RMDN2: variants seen among roughly 807,000 people sequenced by gnomAD.
RMDN2 encodes regulator of microtubule dynamics protein 2.
In RMDN2, 61 loss-of-function variants were observed where a neutral mutation model predicts 52.8. That is an observed-to-expected ratio of 1.16 (90% CI 0.94 to 1.43). The LOEUF (loss-of-function observed/expected upper bound fraction) is 1.43, where lower values mean the gene tolerates loss of function less well. Among genes scored for constraint, RMDN2 ranks in the 40% most tolerant of loss-of-function variants. The pLI is 0.00. For missense variants in RMDN2, 592 were observed against 475.3 expected (o/e 1.25, Z -2.28); for synonymous variants, 180 against 153.1 (o/e 1.18, Z -1.30).
intron 2 of RMDN2, among the ~76,000 whole-genome samples, chr2:37,941,242 T>C (rs922779511): frequency 6.7e-6 from 1 of 149,354 alleles, no homozygotes; most frequent in African/African-American, 2.5e-5. Flanking sequence ...ACAGCAAAGA[T>C]TGCTGGCTGC....
chr2:37,984,130 A>T (rs929374099), intron 5 of RMDN2, among the ~76,000 whole-genome samples: 1 of 152,234 alleles, frequency 6.6e-6, no homozygotes, highest in African/African-American at 2.4e-5. Context: ...ATGATTGAAA[A>T]ATACAGATCA....
At chr2:38,027,336 T>A (rs990435513) in intron 10 of RMDN2, 1 of 152,212 alleles carries the variant, frequency 6.6e-6, no homozygotes, top group African/African-American at 2.4e-5. Flanking sequence ...TGCTGTCCAA[T>A]GTCTTGAAAA....
chr2:37,937,740 G>A lies in RMDN2; in HGVS notation c.452+8011G>A, dbSNP rs187391934. Among the ~76,000 whole-genome samples, 40 of 152,292 alleles carry A rather than the reference G, an allele frequency of 2.6e-4. No homozygotes were observed. In the East Asian group the frequency reaches 3.7e-3, roughly 14 times the overall value. Reference sequence around the variant, plus strand: ...CTTGGAATTTTTGCACAATGATTTTGTATCCTGAGACTTTGCTGAAGTTGC... The same window carrying A: ...CTTGGAATTTTTGCACAATGATTTTATATCCTGAGACTTTGCTGAAGTTGC... On this transcript the variant is annotated intron_variant, in intron 2 of 10. Transcript: ENST00000354545.
intron 2 of RMDN2, among the ~76,000 whole-genome samples, chr2:37,963,613 T>G (rs899454621): frequency 2.6e-5 from 4 of 152,228 alleles, no homozygotes; most frequent in Non-Finnish European, 5.9e-5. Context: ...AGCACATGTT[T>G]CAGAGAGCAC....
chr2:37,926,791 C>T (rs1666315473), intron 1 of RMDN2, among the ~76,000 whole-genome samples: 1 of 152,166 alleles, frequency 6.6e-6, no homozygotes, highest in African/African-American at 2.4e-5. Context: ...TAAAAATTAG[C>T]CGGGCGTGGT....
intron 2 of RMDN2, among the ~76,000 whole-genome samples, chr2:37,948,201 G>A (rs116796148): frequency 2.6e-4 from 40 of 152,276 alleles, no homozygotes; most frequent in African/African-American, 9.4e-4. Context: ...AGAATGTCTG[G>A]GAGCAGTGCT....
At chr2:38,055,605 A>G (rs1681829893) in intron 10 of RMDN2, among the ~76,000 whole-genome samples, 1 of 152,174 alleles carries the variant, frequency 6.6e-6, no homozygotes, top group Non-Finnish European at 1.5e-5. Context: ...TTGAAGTATC[A>G]GCTTGGTCCT....
At chr2:37,949,543 G>A (rs1261845380) in intron 2 of RMDN2, among the ~76,000 whole-genome samples, 5 of 152,092 alleles carry the variant, frequency 3.3e-5, no homozygotes, top group Non-Finnish European at 4.4e-5. Context: ...CATGTCTTCT[G>A]CCAGCATCCA....
In RMDN2 at chr2:37,959,255, G is replaced by C. The variant is rs144414199; in HGVS notation, c.453-14785G>C. 2.8e-3 allele frequency among the ~76,000 whole-genome samples: 421 copies of C among 151,126 alleles called. 27 individuals carry two copies. The highest frequency in any genetic ancestry group is 0.01 in the Middle Eastern group (3 of 294). On this transcript the variant is annotated intron_variant, in intron 2 of 10. Transcript: ENST00000354545. ...CCAGCTCCTCTTTGTACCTCTGGTAGAATTCAGCTGTGAATCCATCTGGAC... is the reference window on the plus strand; with the variant it reads ...CCAGCTCCTCTTTGTACCTCTGGTACAATTCAGCTGTGAATCCATCTGGAC...
At chr2:37,933,443 C>T (rs1055672507) in intron 2 of RMDN2, among the ~76,000 whole-genome samples, 2 of 152,204 alleles carry the variant, frequency 1.3e-5, no homozygotes, top group African/African-American at 2.4e-5. Context: ...GAGGTTGTAG[C>T]GAGCCGAGAT....
chr2:37,996,662 G>A (rs1462225382), intron 7 of RMDN2, among the ~76,000 whole-genome samples: 1 of 151,250 alleles, frequency 6.6e-6, no homozygotes, highest in Non-Finnish European at 1.5e-5. Flanking sequence ...GGACTGAGAA[G>A]GAAGATAATT....
chr2:37,924,402 A>G (rs1015641849), upstream of RMDN2, among the ~76,000 whole-genome samples: 3 of 152,170 alleles, frequency 2.0e-5, no homozygotes, highest in Admixed American at 6.5e-5. Flanking sequence ...GAGACGCTCT[A>G]TCACCCAGGC....
chr2:38,043,161 T>C (rs72889704), intron 10 of RMDN2, among the ~76,000 whole-genome samples: 2,152 of 152,314 alleles, frequency 0.014, 65 homozygotes, highest in African/African-American at 0.048. Context: ...GCCTCACATA[T>C]TTTGACAGTC....
chr2:37,924,521 C>G (rs1054316551), upstream of RMDN2, among the ~76,000 whole-genome samples: 7 of 152,202 alleles, frequency 4.6e-5, no homozygotes, highest in African/African-American at 1.2e-4. Flanking sequence ...TCCACCACCA[C>G]GCCCGGCTAA....
chr2:37,943,277 A>C (rs1667955022), intron 2 of RMDN2, among the ~76,000 whole-genome samples: 1 of 152,206 alleles, frequency 6.6e-6, no homozygotes. Flanking sequence ...GATAAGCCTG[A>C]AAAAGAAGAC....
intron 4 of RMDN2, among the ~76,000 whole-genome samples, chr2:37,980,609 T>C (rs950026457): frequency 2.6e-5 from 4 of 152,166 alleles, no homozygotes; most frequent in African/African-American, 9.7e-5. Context: ...CAGCCCCAAA[T>C]TAATTATTAC....
chr2:37,970,037 A>G (rs1572867069), intron 2 of RMDN2, among the ~76,000 whole-genome samples: 2 of 152,016 alleles, frequency 1.3e-5, no homozygotes, highest in African/African-American at 2.4e-5. Context: ...GACTCAAGCT[A>G]TCCTCTCACC....
intron 2 of RMDN2, among the ~76,000 whole-genome samples, chr2:37,955,252 G>T (rs1669304251): frequency 6.6e-6 from 1 of 152,088 alleles, no homozygotes; most frequent in African/African-American, 2.4e-5. Context: ...GTGATAAAGA[G>T]CACCCTTGTC....
At chr2:37,967,762 G>C (rs1671258231) in intron 2 of RMDN2, among the ~76,000 whole-genome samples, 1 of 152,134 alleles carries the variant, frequency 6.6e-6, no homozygotes, top group African/African-American at 2.4e-5. Flanking sequence ...TTCCACCTTA[G>C]AGTCCTCATT....
Sources: gnomAD v4.1 joint callset for allele counts (sites outside exome capture counted in the v4.1 genomes callset) on GRCh38, gnomAD v4.1.1 for gene constraint, MANE v1.5 for transcripts, NCBI Gene and HGNC (gene_info 2026-07-23, HGNC 2026-07-21) for gene names.